Variants in MICAL2 observed in about 807,000 individuals in gnomAD.
MICAL2 encodes the protein microtubule associated monooxygenase, calponin and LIM domain containing 2, also known as [F-actin]-monooxygenase MICAL2.
Under a neutral mutation model 127.3 loss-of-function variants are expected in MICAL2, and 77 were observed. That is an observed-to-expected ratio of 0.60 (90% CI 0.50 to 0.73). MICAL2 has a LOEUF of 0.73. MICAL2 is among the 30% of genes least tolerant of loss of function. The pLI is 0.00. For synonymous variants in MICAL2, 570 were observed against 551.1 expected (o/e 1.03, Z -0.48); for missense variants, 1,351 against 1,434.4 (o/e 0.94, Z 0.94).
chr11:12,259,598 G>T, intron 25 of MICAL2, 197 bp from the exon 26 acceptor site: 2 of 450,100 alleles, frequency 4.4e-6, no homozygotes, highest in Non-Finnish European at 7.9e-6. Context: ...TTGAAGGCTC[G>T]TGACTCCTAT....
intron 3 of MICAL2, among the ~76,000 whole-genome samples, chr11:12,163,020 T>A (rs1855020169): frequency 6.6e-6 from 1 of 152,172 alleles, no homozygotes; most frequent in African/African-American, 2.4e-5. Context: ...TGCCTCTTCC[T>A]CCCTGTCTCT....
At chr11:12,236,683 G>A (rs1016001941) in intron 16 of MICAL2, among the ~76,000 whole-genome samples, 44 of 152,168 alleles carry the variant, frequency 2.9e-4, no homozygotes, top group African/African-American at 9.2e-4. Context: ...GGCATATGTC[G>A]TGGTCTCCAC....
intron 17 of MICAL2, 147 bp from the exon 18 acceptor site, chr11:12,240,893 C>A: frequency 1.9e-6 from 2 of 1,028,956 alleles, no homozygotes; most frequent in South Asian, 3.2e-5. Flanking sequence ...GCCCGGCTTG[C>A]GGGAGCTCAG....
At chr11:12,336,553 A>T (rs953551089) in intron 32 of MICAL2, among the ~76,000 whole-genome samples, 2 of 152,152 alleles carry the variant, frequency 1.3e-5, no homozygotes, top group African/African-American at 4.8e-5. Flanking sequence ...GAATGCTTCC[A>T]GTTTTTGTCC....
At position 12,220,403 on chromosome 11, in the gene MICAL2, G is replaced by A. The variant is rs140391872; in HGVS notation, c.1151G>A (p.Arg384Gln). 262 of 1,613,520 alleles carry A rather than the reference G, an allele frequency of 1.6e-4. No individual in the cohort carries two copies. The highest frequency in any genetic ancestry group is 2.0e-4 in the Non-Finnish European group (236 of 1,180,040). Residue 384 changes from arginine (R) to glutamine (Q), a missense_variant, in exon 9 of 28, where the codon CGG (arginine) becomes CAG (glutamine). This residue lies in a region of MICAL2 where 599 missense variants were observed against 714.9 expected (regional missense o/e 0.84). Coordinates refer to ENST00000683283, the MANE Select transcript of MICAL2 (RefSeq NM_001282663.2). The stretch of plus-strand genomic sequence containing the variant: ...GCCTCAGAGAACGCGGCCCTGGTGC[G>A]GGAGCGGCAGGCGCACCAGCTGCTC... ...MYASENAALV[R>Q]ERQAHQLLVA...
At chr11:12,288,713 G>T (rs574629372), downstream of MICAL2, among the ~76,000 whole-genome samples, 363 of 152,296 alleles carry the variant, frequency 2.4e-3, 1 homozygote, top group Non-Finnish European at 1.7e-3. Context: ...ACCAAGGAGC[G>T]AGCTGGCTGG....
rs144978540 is a variant in MICAL2 at position 12,233,068 on chromosome 11, G to T, written c.1996-3109G>T. Among the ~76,000 whole-genome samples, 280 of 152,268 alleles carry T rather than the reference G, an allele frequency of 1.8e-3. No individual in the cohort carries two copies. In the Middle Eastern group the frequency reaches 0.037, roughly 20 times the overall value. On this transcript the variant is annotated intron_variant, in intron 15 of 27. Coordinates refer to ENST00000683283, the MANE Select transcript of MICAL2 (RefSeq NM_001282663.2). Reference sequence around the variant, plus strand: ...AGATCAAAAAAACAGCATATCTAGGGTTTGGCAGTATCCATGGTTTCTGGA... The same window carrying T: ...AGATCAAAAAAACAGCATATCTAGGTTTTGGCAGTATCCATGGTTTCTGGA...
chr11:12,155,921 G>C (rs1009474855), intron 2 of MICAL2, among the ~76,000 whole-genome samples: 1 of 152,214 alleles, frequency 6.6e-6, no homozygotes, highest in African/African-American at 2.4e-5. Context: ...ACCTCCCGGC[G>C]CCTGGTACTG....
At chr11:12,224,945 A>G in intron 13 of MICAL2, 125 bp downstream of exon 13, 1 of 1,229,698 alleles carries the variant, frequency 8.1e-7, no homozygotes, top group Non-Finnish European at 1.1e-6. Flanking sequence ...ATTTTTCTTA[A>G]CATTTGTTCT....
At chr11:12,285,036 A>T (rs1863810017) in intron 2 of MICAL2, among the ~76,000 whole-genome samples, 1 of 152,212 alleles carries the variant, frequency 6.6e-6, no homozygotes, top group Non-Finnish European at 1.5e-5. Context: ...TATTACTTAA[A>T]TCAGTCTCCC....
chr11:12,148,289 T>C (rs1240395777), intron 2 of MICAL2, among the ~76,000 whole-genome samples: 2 of 152,084 alleles, frequency 1.3e-5, no homozygotes, highest in Non-Finnish European at 2.9e-5. Context: ...GTTTGAGAAG[T>C]AAGACAGAGA....
chr11:12,260,752 G>T, intron 26 of MICAL2: 1 of 985,504 alleles, frequency 1.0e-6, no homozygotes, highest in Non-Finnish European at 1.2e-6. Context: ...GCACGGAGCA[G>T]TGTGTGGTTG....
At chr11:12,186,549 T>G (rs773566613) in intron 3 of MICAL2, among the ~76,000 whole-genome samples, 10 of 150,244 alleles carry the variant, frequency 6.7e-5, no homozygotes, top group Admixed American at 2.0e-4. Flanking sequence ...AAAAAAAGAT[T>G]TTTTTTTTAA....
intron 3 of MICAL2, among the ~76,000 whole-genome samples, chr11:12,198,442 C>T (rs980175634): frequency 2.6e-5 from 4 of 152,220 alleles, no homozygotes; most frequent in African/African-American, 9.6e-5. Context: ...CCCCAACACA[C>T]ACATTCTGGC....
Position 12,242,779 on chromosome 11 carries a change from A to C in MICAL2, c.2658+7A>C. 6.3e-7 allele frequency: 1 copy of C among 1,596,800 alleles called. No individual in the cohort carries two copies. The highest frequency in any genetic ancestry group is 1.1e-5 in the South Asian group (1 of 88,438). On this transcript the variant is annotated splice_region_variant and intron_variant, in intron 20 of 27. Coordinates refer to ENST00000683283, the MANE Select transcript of MICAL2 (RefSeq NM_001282663.2). ...ACACGGGGATTTCCCGCAGGTAAACATGGGGCTTTCAGAGCCCCCAGGAAC... is the reference window on the plus strand; with the variant it reads ...ACACGGGGATTTCCCGCAGGTAAACCTGGGGCTTTCAGAGCCCCCAGGAAC...
chr11:12,129,407 G>A (rs1227231016), intron 1 of MICAL2, among the ~76,000 whole-genome samples: 1 of 152,232 alleles, frequency 6.6e-6, no homozygotes, highest in Admixed American at 6.5e-5. Flanking sequence ...TCAGGAGACT[G>A]AGGCTCTGCA....
chr11:12,309,757 T>C (rs765255186), intron 29 of MICAL2, among the ~76,000 whole-genome samples: 7 of 152,170 alleles, frequency 4.6e-5, no homozygotes, highest in Non-Finnish European at 1.0e-4. Flanking sequence ...ATACTGTTTG[T>C]CATAATGGTT....
intron 15 of MICAL2, 56 bp downstream of exon 15, chr11:12,227,187 G>A: frequency 8.0e-7 from 1 of 1,255,200 alleles, no homozygotes; most frequent in Non-Finnish European, 1.2e-6. Context: ...CGGGGTATGA[G>A]GAACGGAGAT....
intron 21 of MICAL2, among the ~76,000 whole-genome samples, chr11:12,244,992 G>A (rs12799114): frequency 0.17 from 25,462 of 152,218 alleles, 2,418 homozygotes; most frequent in Non-Finnish European, 0.21. Context: ...CTTTGGTTAA[G>A]TAGTTAATGA....
Sources: allele counts gnomAD v4.1 joint callset (sites outside exome capture counted in the v4.1 genomes callset), GRCh38; gene constraint gnomAD v4.1.1; regional missense constraint gnomAD v4.1.1; transcripts MANE v1.5; gene names NCBI Gene and HGNC (gene_info 2026-07-23, HGNC 2026-07-21).